Variants in CCDC170 observed in about 807,000 individuals in gnomAD.
CCDC170 encodes coiled-coil domain-containing protein 170.
In CCDC170, 69 loss-of-function variants were observed where a neutral mutation model predicts 72.6. The observed-to-expected ratio is 0.95, with a 90% confidence interval of 0.78 to 1.16. The LOEUF is 1.16. CCDC170 is among the 50% of genes most tolerant of loss of function. CCDC170 has a pLI of 0.00. For missense variants in CCDC170, 852 were observed against 832.5 expected (o/e 1.02, Z -0.29); for synonymous variants, 300 against 303.9 (o/e 0.99, Z 0.13).
intron 5 of CCDC170, among the ~76,000 whole-genome samples, chr6:151,570,194 C>T (rs1163400443): frequency 6.6e-6 from 1 of 152,126 alleles, no homozygotes; most frequent in African/African-American, 2.4e-5. Flanking sequence ...CTCCATAAGT[C>T]ACAAGCATCT....
At chr6:151,594,721 G>A (rs931402514) in intron 8 of CCDC170, among the ~76,000 whole-genome samples, 22 of 151,290 alleles carry the variant, frequency 1.5e-4, no homozygotes, top group Middle Eastern at 3.4e-3. Context: ...GTGCGATCTC[G>A]GCTCACTGCA....
Position 151,548,482 on chromosome 6 carries a change from T to G in CCDC170, c.767T>G (p.Leu256Arg), listed in dbSNP as rs192947987. ...TCCTGTACTGAAGAGAAAGAGAAGC[T>G]GAACCAGGTATGATATGTGAAGTAT... ...AASCTEEKEK[L>R]NQDLLSAVEA... The change falls in exon 5 of 11, where the codon CTG (leucine) becomes CGG (arginine). Residue 256 changes from leucine (L) to arginine (R), a missense_variant. Physicochemically the swap from Leu to Arg is moderately radical, Grantham distance 102. Transcript: ENST00000239374. 2,756 of 1,575,750 alleles carry G rather than the reference T, an allele frequency of 1.7e-3. 7 individuals carry two copies. Among genetic ancestry groups the G allele is most frequent in the Non-Finnish European group, 2.2e-3 (2,588 of 1,163,496 alleles).
intron 5 of CCDC170, among the ~76,000 whole-genome samples, chr6:151,565,728 T>C (rs894618598): frequency 1.3e-5 from 2 of 152,262 alleles, no homozygotes; most frequent in African/African-American, 4.8e-5. Flanking sequence ...TTCTATATAC[T>C]TCCCGGTTTT....
At chr6:151,513,963 C>T (rs1390239868) in intron 1 of CCDC170, among the ~76,000 whole-genome samples, 1 of 141,170 alleles carries the variant, frequency 7.1e-6, no homozygotes, top group Non-Finnish European at 1.5e-5. Flanking sequence ...CATCAAAATA[C>T]AATAGAGTTA....
At chr6:151,612,426 G>A (rs1447924696) in intron 9 of CCDC170, among the ~76,000 whole-genome samples, 1 of 152,136 alleles carries the variant, frequency 6.6e-6, no homozygotes, top group Non-Finnish European at 1.5e-5. Flanking sequence ...ATTATCATCA[G>A]TAAAAAAATA....
At chr6:151,542,413 C>T (rs552530399) in intron 3 of CCDC170, among the ~76,000 whole-genome samples, 9 of 152,034 alleles carry the variant, frequency 5.9e-5, no homozygotes, top group East Asian at 1.9e-4. Flanking sequence ...GTAGAGATGG[C>T]GTCTTGCCAT....
intron 4 of CCDC170, among the ~76,000 whole-genome samples, chr6:151,545,556 T>C (rs1782758615): frequency 6.6e-6 from 1 of 152,220 alleles, no homozygotes; most frequent in Admixed American, 6.5e-5. Flanking sequence ...TGGTTCTCTT[T>C]GGCTATTTAC....
At chr6:151,535,384 CT>C (rs1782559233) in intron 1 of CCDC170, among the ~76,000 whole-genome samples, 1 of 152,172 alleles carries the variant, frequency 6.6e-6, no homozygotes, top group South Asian at 2.1e-4. Flanking sequence ...ACACTGCCAT[CT>C]CTCGTCTCAC....
At chr6:151,605,607 T>A (rs1038915352) in intron 9 of CCDC170, among the ~76,000 whole-genome samples, 6 of 152,230 alleles carry the variant, frequency 3.9e-5, no homozygotes, top group African/African-American at 1.2e-4. Context: ...TTGGGGAAGT[T>A]GGTTGTTCAC....
intron 9 of CCDC170, among the ~76,000 whole-genome samples, chr6:151,602,803 T>A (rs1776729780): frequency 1.5e-5 from 2 of 130,920 alleles, no homozygotes; most frequent in Non-Finnish European, 3.1e-5. Context: ...TATTTCTTTC[T>A]TTTTTTTTTT....
chr6:151,498,053 T>C (rs545108861), intron 1 of CCDC170, among the ~76,000 whole-genome samples: 16 of 151,862 alleles, frequency 1.1e-4, no homozygotes, highest in African/African-American at 3.9e-4. Context: ...AGTGCTTGGA[T>C]TCCAAATCCT....
In CCDC170 at chr6:151,531,293, A is replaced by T. The variant is rs544004161; in HGVS notation, c.58-5025A>T. 1.6e-4 allele frequency among the ~76,000 whole-genome samples: 24 copies of T among 152,348 alleles called. No individual in the cohort carries two copies. The South Asian group carries it at 5.0e-3, about 32-fold the overall frequency. The stretch of plus-strand genomic sequence containing the variant: ...AACCAAATAAATTTAAGATAGACTT[A>T]AAGCACTGAATATAAAAAATAAAAT... On this transcript the variant is annotated intron_variant, in intron 1 of 10. Coordinates refer to ENST00000239374, the MANE Select transcript of CCDC170 (RefSeq NM_025059.4).
chr6:151,575,492 C>A (rs1562287538), intron 6 of CCDC170, among the ~76,000 whole-genome samples: 2 of 148,088 alleles, frequency 1.4e-5, no homozygotes, highest in Admixed American at 1.3e-4. Flanking sequence ...TTAGTGGCCC[C>A]TTTAGCCAAG....
intron 5 of CCDC170, among the ~76,000 whole-genome samples, chr6:151,569,786 G>T (rs1562285289): frequency 2.0e-5 from 3 of 152,126 alleles, no homozygotes. Flanking sequence ...CCTGAATCCT[G>T]CAGCACTTAA....
chr6:151,544,701 A>G lies in CCDC170; in HGVS notation c.573A>G (p.Glu191=). The G allele has an allele frequency of 6.2e-7, 1 of 1,611,852 alleles. No homozygotes were observed. Among genetic ancestry groups the G allele is most frequent in the South Asian group, 1.1e-5 (1 of 90,984 alleles). Residue 191 remains glutamate (E), a synonymous_variant, in exon 4 of 11, where the codon GAA becomes GAG. Transcript: ENST00000239374. The part of the protein sequence containing the change: ...PDERNDKASD[E]DLILKLRDLR... The stretch of plus-strand genomic sequence containing the variant: ...AGAGGAATGACAAGGCATCAGATGA[A>G]GATTTAATTTTAAAGGTGTCTGTAT...
At chr6:151,594,342 C>A (rs1211711655) in intron 8 of CCDC170, among the ~76,000 whole-genome samples, 1 of 152,160 alleles carries the variant, frequency 6.6e-6, no homozygotes, top group Non-Finnish European at 1.5e-5. Context: ...ATGCTATATA[C>A]CCCAAGGAGT....
At chr6:151,500,029 G>A (rs552369492) in intron 1 of CCDC170, among the ~76,000 whole-genome samples, 21 of 152,176 alleles carry the variant, frequency 1.4e-4, no homozygotes, top group African/African-American at 3.6e-4. Context: ...CACTGTTTCC[G>A]TAGTGGCTGC....
At chr6:151,517,997 A>T (rs1469583315) in intron 1 of CCDC170, among the ~76,000 whole-genome samples, 1 of 151,922 alleles carries the variant, frequency 6.6e-6, no homozygotes, top group African/African-American at 2.4e-5. Context: ...AATTAAAGGA[A>T]TTCTCAAAAA....
In CCDC170 at chr6:151,593,100, G is replaced by A. The variant is rs772388833; in HGVS notation, c.1294-7G>A. 51 of 1,613,962 alleles carry A rather than the reference G, an allele frequency of 3.2e-5. No individual in the cohort carries two copies. The highest frequency in any genetic ancestry group is 4.2e-5 in the Non-Finnish European group (49 of 1,179,948). On this transcript the variant is annotated splice_region_variant and splice_polypyrimidine_tract_variant and intron_variant, in intron 7 of 10. Transcript: ENST00000239374. Reference sequence around the variant, plus strand: ...TGTCCCATTTTTGTTTCTGTTCTTGGGTTTAGTATCTTAAATTTCTGGATC... The same window carrying A: ...TGTCCCATTTTTGTTTCTGTTCTTGAGTTTAGTATCTTAAATTTCTGGATC...
Sources: allele counts gnomAD v4.1 joint callset (sites outside exome capture counted in the v4.1 genomes callset), GRCh38; gene constraint gnomAD v4.1.1; transcripts MANE v1.5; gene names NCBI Gene and HGNC (gene_info 2026-07-23, HGNC 2026-07-21).